Variants in CREB5 observed in about 807,000 individuals in gnomAD.
CREB5 encodes the protein cAMP responsive element binding protein 5.
A neutral mutation model predicts 57.1 loss-of-function variants in CREB5; 19 were observed. The observed-to-expected ratio is 0.33, with a 90% confidence interval of 0.23 to 0.49. CREB5 has a LOEUF of 0.49. Among genes scored for constraint, CREB5 ranks in the 20% least tolerant of loss-of-function variants. The pLI is 0.99. For synonymous variants in CREB5, 238 were observed against 238.3 expected (o/e 1.00, Z 0.01); for missense variants, 579 against 671.6 (o/e 0.86, Z 1.52).
At chr7:28,473,668 C>T (rs771943157) in intron 1 of CREB5, among the ~76,000 whole-genome samples, 22 of 152,188 alleles carry the variant, frequency 1.4e-4, no homozygotes, top group Non-Finnish European at 2.4e-4. Flanking sequence ...GCCTTAAGAA[C>T]GCTGACCCTG....
At chr7:28,692,442 C>T (rs1212681249) in intron 5 of CREB5, among the ~76,000 whole-genome samples, 1 of 152,188 alleles carries the variant, frequency 6.6e-6, no homozygotes, top group Non-Finnish European at 1.5e-5. Flanking sequence ...ACTAAAAATA[C>T]AGGCATCTAC....
chr7:28,401,701 T>C (rs1787467855), intron 1 of CREB5, among the ~76,000 whole-genome samples: 1 of 152,200 alleles, frequency 6.6e-6, no homozygotes, highest in Non-Finnish European at 1.5e-5. Flanking sequence ...CTGAGAATGA[T>C]GGTTTCCAGC....
At chr7:28,557,138 C>G (rs1380547134) in intron 4 of CREB5, among the ~76,000 whole-genome samples, 1 of 144,018 alleles carries the variant, frequency 6.9e-6, no homozygotes, top group Non-Finnish European at 1.6e-5. Flanking sequence ...TTTGAAGGTA[C>G]TAGCTGTTTC....
At chr7:28,771,543 G>C (rs6974398) in intron 7 of CREB5, among the ~76,000 whole-genome samples, 101 of 151,928 alleles carry the variant, frequency 6.6e-4, no homozygotes, top group African/African-American at 2.3e-3. Context: ...GAACACATGA[G>C]ATGGTTCTTA....
At chr7:28,793,921 AC>A (rs1807877331) in intron 7 of CREB5, among the ~76,000 whole-genome samples, 1 of 152,164 alleles carries the variant, frequency 6.6e-6, no homozygotes, top group South Asian at 2.1e-4. Context: ...TATTCATTGC[AC>A]CCCTTTTTGC....
Position 28,465,861 on chromosome 7 carries a change from G to A in CREB5, c.4-22314G>A, listed in dbSNP as rs148269546. ...TATGTCAGCCTGCTAACGTCATACA[G>A]TGTGGCTTTGAAGTGTAGAAGGTGT... On this transcript the variant is annotated intron_variant, in intron 1 of 10. Transcript: ENST00000357727. Among the ~76,000 whole-genome samples the A allele has an allele frequency of 4.6e-5, 7 of 152,266 alleles. No homozygotes were observed. The East Asian group carries it at 7.7e-4, about 17-fold the overall frequency.
intron 5 of CREB5, among the ~76,000 whole-genome samples, chr7:28,603,866 C>G (rs1797016386): frequency 6.6e-6 from 1 of 152,088 alleles, no homozygotes; most frequent in Non-Finnish European, 1.5e-5. Context: ...GAGGTGTAAC[C>G]ATTGCTGATG....
intron 4 of CREB5, among the ~76,000 whole-genome samples, chr7:28,533,880 A>G (rs1055734087): frequency 2.7e-5 from 4 of 147,256 alleles, no homozygotes; most frequent in South Asian, 4.4e-4. Context: ...CTGGCTTAAC[A>G]TCTTTTTTTG....
intron 1 of CREB5, among the ~76,000 whole-genome samples, chr7:28,447,549 G>GA (rs1014529884): frequency 1.1e-4 from 17 of 152,184 alleles, no homozygotes; most frequent in African/African-American, 4.1e-4. Context: ...GAGCTGGAGA[G>GA]AAAGCAGTAC....
In CREB5 at chr7:28,824,929, A is replaced by G. The variant is rs1313822134; in HGVS notation, c.*5650A>G. On this transcript the variant is annotated 3_prime_UTR_variant, in exon 11 of 11. Coordinates refer to ENST00000357727, the MANE Select transcript of CREB5 (RefSeq NM_182898.4). ...TGTTGTATTTAGACCAACTTACAAT[A>G]TCTAGCTCATTAGAAGCCAGGATCT... 1 of 152,658 alleles carries G rather than the reference A, an allele frequency of 6.6e-6. No homozygotes were observed. The highest frequency in any genetic ancestry group is 1.5e-5 in the Non-Finnish European group (1 of 68,046). 9.5% of individuals were successfully genotyped at this position (152,658 alleles called of 1,614,324 possible).
chr7:28,369,680 G>A (rs1003373974), intron 1 of CREB5, among the ~76,000 whole-genome samples: 1 of 152,218 alleles, frequency 6.6e-6, no homozygotes, highest in Non-Finnish European at 1.5e-5. Context: ...TGGCAGACTA[G>A]GATAGGGTGA....
chr7:28,576,212 C>G (rs945170417), intron 5 of CREB5, among the ~76,000 whole-genome samples: 1 of 152,192 alleles, frequency 6.6e-6, no homozygotes, highest in East Asian at 1.9e-4. Context: ...GGCTCAAGCC[C>G]TTCGTTAGAA....
intron 5 of CREB5, among the ~76,000 whole-genome samples, chr7:28,671,110 T>A (rs1173003190): frequency 6.6e-6 from 1 of 151,802 alleles, no homozygotes; most frequent in Non-Finnish European, 1.5e-5. Flanking sequence ...CAAAAATTTT[T>A]AAAAATGAGC....
intron 7 of CREB5, among the ~76,000 whole-genome samples, chr7:28,790,369 C>T (rs1273568398): frequency 3.4e-5 from 5 of 149,230 alleles, no homozygotes; most frequent in African/African-American, 9.9e-5. Flanking sequence ...ATCTACTTCC[C>T]GTAGTGAATG....
chr7:28,459,829 C>G (rs375525549), intron 1 of CREB5, among the ~76,000 whole-genome samples: 3 of 152,090 alleles, frequency 2.0e-5, no homozygotes, highest in Non-Finnish European at 4.4e-5. Flanking sequence ...ATGTTTCTGG[C>G]GCTGAACACA....
At chr7:28,398,724 A>G (rs183567553) in intron 1 of CREB5, among the ~76,000 whole-genome samples, 91 of 152,202 alleles carry the variant, frequency 6.0e-4, no homozygotes, top group African/African-American at 2.1e-3. Context: ...TATTATTATT[A>G]TTTTTGAGAC....
intron 5 of CREB5, among the ~76,000 whole-genome samples, chr7:28,612,013 G>A (rs1797411613): frequency 2.0e-5 from 3 of 152,146 alleles, no homozygotes; most frequent in Admixed American, 6.5e-5. Context: ...TGGATGATGC[G>A]AAGGAAGGAC....
rs528037047 is a variant in CREB5 at position 28,755,470 on chromosome 7, G to C, written c.702+31138G>C. 1.2e-4 allele frequency among the ~76,000 whole-genome samples: 18 copies of C among 152,206 alleles called. No homozygotes were observed. The South Asian group carries it at 3.5e-3, about 30-fold the overall frequency. ...GGAGGTCCAGTTGGCAAGATACTTT[G>C]GGTCCCAGCCAGACCATAGAGGCTC... is the stretch of plus-strand genomic sequence containing the variant. On this transcript the variant is annotated intron_variant, in intron 7 of 10. Coordinates refer to ENST00000357727, the MANE Select transcript of CREB5 (RefSeq NM_182898.4).
intron 1 of CREB5, among the ~76,000 whole-genome samples, chr7:28,430,255 A>C (rs1386912589): frequency 6.6e-6 from 1 of 152,206 alleles, no homozygotes; most frequent in Non-Finnish European, 1.5e-5. Flanking sequence ...TTTATAGTTA[A>C]CATTGCTGTG....
Sources: allele counts gnomAD v4.1 joint callset (sites outside exome capture counted in the v4.1 genomes callset), GRCh38; gene constraint gnomAD v4.1.1; transcripts MANE v1.5; gene names NCBI Gene and HGNC (gene_info 2026-07-23, HGNC 2026-07-21).